FARS2: variants seen among roughly 807,000 people sequenced by gnomAD.
FARS2 encodes phenylalanine--tRNA ligase, mitochondrial.
FARS2 carries 40 observed loss-of-function variants against 46.4 expected under a neutral mutation model. The ratio of observed to expected loss-of-function variants is 0.86; its 90% CI spans 0.67 to 1.12. The LOEUF is 1.12. Ranked by LOEUF, FARS2 falls within the 50% of genes most tolerant of loss-of-function variation. The pLI, the probability that FARS2 is intolerant of heterozygous loss-of-function variation, is 0.00. For synonymous variants in FARS2, 234 were observed against 214.9 expected (o/e 1.09, Z -0.78); for missense variants, 513 against 567.9 (o/e 0.90, Z 0.98).
chr6:5,539,256 G>T (rs1770417380), intron 4 of FARS2, among the ~76,000 whole-genome samples: 1 of 150,830 alleles, frequency 6.6e-6, no homozygotes, highest in Non-Finnish European at 1.5e-5. Flanking sequence ...GCCCAGACTG[G>T]AGTGCAGTGG....
At chr6:5,560,533 G>A (rs2326646) in intron 5 of FARS2, among the ~76,000 whole-genome samples, 18,698 of 151,988 alleles carry the variant, frequency 0.12, 1,644 homozygotes, top group East Asian at 0.31. Flanking sequence ...TCCTGTGTTT[G>A]TTACGATCTT....
intron 4 of FARS2, among the ~76,000 whole-genome samples, chr6:5,439,753 T>C (rs995876063): frequency 4.6e-5 from 7 of 152,212 alleles, no homozygotes; most frequent in African/African-American, 1.7e-4. Context: ...TTAATCAGAA[T>C]TAAGCCTGGT....
chr6:5,403,938 A>C (rs1211933195), intron 2 of FARS2, among the ~76,000 whole-genome samples: 2 of 152,122 alleles, frequency 1.3e-5, no homozygotes, highest in Non-Finnish European at 2.9e-5. Context: ...TGTGCCAGAT[A>C]CTCTGTATTT....
chr6:5,594,596 A>C (rs1418224941), intron 5 of FARS2, among the ~76,000 whole-genome samples: 3 of 152,210 alleles, frequency 2.0e-5, no homozygotes, highest in East Asian at 3.8e-4. Flanking sequence ...GGTAGATGGC[A>C]GAAAGCAGCT....
At chr6:5,365,991 G>T (rs550528866) in intron 1 of FARS2, among the ~76,000 whole-genome samples, 6 of 152,032 alleles carry the variant, frequency 3.9e-5, no homozygotes, top group Non-Finnish European at 8.8e-5. Flanking sequence ...CCTTCTCAGG[G>T]GTGGCAGAGG....
intron 6 of FARS2, among the ~76,000 whole-genome samples, chr6:5,680,647 A>T (rs1487745823): frequency 4.6e-5 from 7 of 151,888 alleles, no homozygotes; most frequent in Admixed American, 3.9e-4. Flanking sequence ...CTACCACCTA[A>T]TCCATAACCC....
intron 1 of FARS2, among the ~76,000 whole-genome samples, chr6:5,264,194 CCATGATCA>C (rs1765384295): frequency 6.6e-6 from 1 of 152,140 alleles, no homozygotes; most frequent in African/African-American, 2.4e-5. Context: ...CTGCATTGAG[CCATGATCA>C]CATTACTGCT....
chr6:5,332,950 C>A (rs1770900736), intron 1 of FARS2, among the ~76,000 whole-genome samples: 1 of 152,024 alleles, frequency 6.6e-6, no homozygotes, highest in Non-Finnish European at 1.5e-5. Flanking sequence ...CTTAGTTGAC[C>A]CAGCTCTTAG....
intron 6 of FARS2, among the ~76,000 whole-genome samples, chr6:5,690,799 A>G (rs1311773345): frequency 4.6e-5 from 7 of 152,174 alleles, no homozygotes; most frequent in Non-Finnish European, 1.0e-4. Context: ...GTGTTTTCCA[A>G]CTTGGTTCCA....
At chr6:5,649,936 T>G (rs987224720) in intron 6 of FARS2, among the ~76,000 whole-genome samples, 1 of 152,148 alleles carries the variant, frequency 6.6e-6, no homozygotes, top group African/African-American at 2.4e-5. Context: ...GACCCCAGAC[T>G]TTTTCTGAGA....
Position 5,765,962 on chromosome 6 carries a change from TA to T in FARS2, c.1218-5321del, listed in dbSNP as rs1000435924. Among the ~76,000 whole-genome samples, 2 of 152,002 alleles carry T rather than the reference TA, an allele frequency of 1.3e-5. No homozygotes were observed. The highest frequency in any genetic ancestry group is 2.9e-5 in the Non-Finnish European group (2 of 68,000). On this transcript the variant is annotated intron_variant, in intron 6 of 6. Coordinates refer to ENST00000274680, the MANE Select transcript of FARS2 (RefSeq NM_006567.5). The surrounding 1 kb of genome is among the most constrained non-coding windows in gnomAD (Gnocchi z 4.0). Reference sequence around the variant, plus strand: ...TCTAAGATGCCTATACCAAAATCTTTAAAAAAAATCAAACTCTATCCAGTGA... The same window carrying T: ...TCTAAGATGCCTATACCAAAATCTTTAAAAAAATCAAACTCTATCCAGTGA...
At chr6:5,260,781 G>A, upstream of FARS2, 1 of 1,536,344 alleles carries the variant, frequency 6.5e-7, no homozygotes, top group South Asian at 1.2e-5. Context: ...GAGGTCCCAA[G>A]TACGACCCAA....
At chr6:5,474,222 G>A (rs1324594932) in intron 4 of FARS2, among the ~76,000 whole-genome samples, 5 of 152,196 alleles carry the variant, frequency 3.3e-5, no homozygotes, top group African/African-American at 9.7e-5. Flanking sequence ...ACCAGGGCCA[G>A]CCAGCACGGT....
At position 5,765,542 on chromosome 6, in the gene FARS2, G is replaced by T. The variant is rs1282171691; in HGVS notation, c.1218-5749G>T. Reference sequence around the variant, plus strand: ...CAGGCAGGATAACCTGAAGCCCTCTGGTGGGCCCTGTAGTGCCGCACTGTA... The same window carrying T: ...CAGGCAGGATAACCTGAAGCCCTCTTGTGGGCCCTGTAGTGCCGCACTGTA... On this transcript the variant is annotated intron_variant, in intron 6 of 6. Transcript: ENST00000274680. The surrounding 1 kb of genome is among the most constrained non-coding windows in gnomAD (Gnocchi z 4.0). Among the ~76,000 whole-genome samples the T allele has an allele frequency of 6.6e-6, 1 of 152,156 alleles. No homozygotes were observed. The highest frequency in any genetic ancestry group is 1.9e-4 in the East Asian group (1 of 5,192).
chr6:5,421,709 T>G (rs1762559738), intron 3 of FARS2, among the ~76,000 whole-genome samples: 1 of 152,208 alleles, frequency 6.6e-6, no homozygotes, highest in Non-Finnish European at 1.5e-5. Flanking sequence ...GCCAGTCTCT[T>G]TGCTAAAACA....
chr6:5,452,279 C>G (rs550690307), intron 4 of FARS2: 1 of 152,266 alleles, frequency 6.6e-6, no homozygotes, highest in Non-Finnish European at 1.5e-5. Context: ...TACACCAGGA[C>G]GCACAGAGGC....
chr6:5,626,466 G>A (rs1056390807), intron 6 of FARS2, among the ~76,000 whole-genome samples: 2 of 152,104 alleles, frequency 1.3e-5, no homozygotes, highest in Admixed American at 1.3e-4. Flanking sequence ...AGGCTTTGGG[G>A]CCATCATGGT....
chr6:5,433,653 A>T (rs1428595515), intron 4 of FARS2, among the ~76,000 whole-genome samples: 1 of 152,220 alleles, frequency 6.6e-6, no homozygotes, highest in East Asian at 1.9e-4. Context: ...TGAAAGATTT[A>T]ATCTCTCCTT....
At chr6:5,680,602 G>T (rs957125707) in intron 6 of FARS2, among the ~76,000 whole-genome samples, 26 of 152,290 alleles carry the variant, frequency 1.7e-4, no homozygotes, top group African/African-American at 5.1e-4. Flanking sequence ...TTTTTATTAG[G>T]CTGCTTCTAG....
Sources: allele counts gnomAD v4.1 joint callset (sites outside exome capture counted in the v4.1 genomes callset), GRCh38; gene constraint gnomAD v4.1.1; non-coding constraint Gnocchi (gnomAD v3.1); transcripts MANE v1.5; gene names NCBI Gene and HGNC (gene_info 2026-07-23, HGNC 2026-07-21).